Variants in LIPA observed in about 807,000 individuals in gnomAD.
LIPA encodes lysosomal acid lipase/cholesteryl ester hydrolase.
LIPA carries 26 observed loss-of-function variants against 40.6 expected under a neutral mutation model. The observed-to-expected ratio is 0.64, with a 90% CI of 0.47 to 0.89. The LOEUF (loss-of-function observed/expected upper bound fraction) is 0.89. LIPA is among the 40% of genes least tolerant of loss of function. LIPA has a pLI of 0.00. For missense variants in LIPA, 455 were observed against 479.6 expected, an observed-to-expected ratio of 0.95 and a Z score of 0.48; for synonymous variants, 188 against 168.4, an observed-to-expected ratio of 1.12 and a Z score of -0.90.
At chr10:89,215,100 T>C in intron 9 of LIPA, 39 bp from the exon 10 acceptor site, 1 of 1,464,386 alleles carries the variant, frequency 6.8e-7, no homozygotes, top group Non-Finnish European at 9.6e-7. Flanking sequence ...TCGTTGTTGT[T>C]GTTGTTTTAA....
chr10:89,325,097 A>T (rs1424755016), intron 1 of LIPA, among the ~76,000 whole-genome samples: 1 of 152,208 alleles, frequency 6.6e-6, no homozygotes, highest in African/African-American at 2.4e-5. Context: ...ACCCTAAAAA[A>T]AAGAATATGA....
upstream of LIPA, among the ~76,000 whole-genome samples, chr10:89,343,663 G>A (rs10159774): frequency 0.63 from 95,390 of 152,028 alleles, 32,581 homozygotes; most frequent in East Asian, 0.94. Flanking sequence ...AACAGCTACA[G>A]TGAAGAAGTA....
intron 2 of LIPA, among the ~76,000 whole-genome samples, chr10:89,398,637 T>C (rs1257858845): frequency 6.6e-6 from 1 of 152,252 alleles, no homozygotes; most frequent in Non-Finnish European, 1.5e-5. Flanking sequence ...AATATTGTCC[T>C]TTTGTGACTG....
chr10:89,379,651 G>A (rs1844147400), intron 2 of LIPA, among the ~76,000 whole-genome samples: 1 of 152,112 alleles, frequency 6.6e-6, no homozygotes, highest in African/African-American at 2.4e-5. Flanking sequence ...GACCTGTCTT[G>A]AGAAGAAATT....
At chr10:89,254,199 G>T (rs1372806767), upstream of LIPA, among the ~76,000 whole-genome samples, 1 of 152,250 alleles carries the variant, frequency 6.6e-6, no homozygotes, top group African/African-American at 2.4e-5. Flanking sequence ...CACTGACCTA[G>T]CCCAGGCTCT....
rs780557919 is a variant in LIPA, at chr10:89,247,612, C to T, written c.37G>A (p.Val13Ile). 5.0e-6 allele frequency: 8 copies of T among 1,613,044 alleles called. No homozygotes were observed. The East Asian group carries it at 6.7e-5, about 13-fold the overall frequency. Residue 13 changes from valine to isoleucine, a missense_variant, in exon 2 of 10, where the codon GTT becomes ATT. By Grantham distance (29) the Val-to-Ile change is conservative. Transcript: ENST00000336233. ...MRFLGLVVCL[V>I]LWTLHSEGSG... ...CCCTCAGAATGCAGGGTCCAGAGAA[C>T]CAAACAGACCACCAACCCCAAGAAC...
At chr10:89,351,639 G>A (rs1298746521) in intron 2 of LIPA, among the ~76,000 whole-genome samples, 4 of 152,192 alleles carry the variant, frequency 2.6e-5, no homozygotes, top group African/African-American at 9.7e-5. Flanking sequence ...GTGAATTCTG[G>A]ATTTCAAAGG....
At chr10:89,297,888 C>G (rs1328886039) in intron 1 of LIPA, among the ~76,000 whole-genome samples, 1 of 152,224 alleles carries the variant, frequency 6.6e-6, no homozygotes, top group Non-Finnish European at 1.5e-5. Flanking sequence ...TGAGTGGTGA[C>G]TGCACCCCCA....
chr10:89,403,519 G>A (rs1844476280), intron 2 of LIPA: 1 of 1,613,138 alleles, frequency 6.2e-7, no homozygotes, highest in Non-Finnish European at 8.5e-7. Context: ...TCATTAACAA[G>A]GGATAAAAGT....
intron 2 of LIPA, among the ~76,000 whole-genome samples, chr10:89,391,048 CATGGGAG>C (rs889146028): frequency 2.6e-5 from 4 of 152,178 alleles, no homozygotes; most frequent in Admixed American, 6.5e-5. Flanking sequence ...TGAGAGCTGA[CATGGGAG>C]ATGAGTCTGG....
chr10:89,386,577 T>C (rs552780844), intron 2 of LIPA, among the ~76,000 whole-genome samples: 5 of 152,298 alleles, frequency 3.3e-5, no homozygotes, highest in African/African-American at 7.2e-5. Context: ...TTAATCTAAA[T>C]GAGACATCTG....
At chr10:89,244,586 A>T (rs11203048) in intron 3 of LIPA, among the ~76,000 whole-genome samples, 19,745 of 152,116 alleles carry the variant, frequency 0.13, 1,600 homozygotes, top group African/African-American at 0.22. Flanking sequence ...CCGTCTCAAA[A>T]AAATAAATAA....
intron 3 of LIPA, among the ~76,000 whole-genome samples, chr10:89,229,974 A>G (rs914606): frequency 0.017 from 2,515 of 152,338 alleles, 39 homozygotes; most frequent in South Asian, 0.037. Context: ...TTAAAGCTGA[A>G]TAAAAGTTAA....
intron 2 of LIPA, among the ~76,000 whole-genome samples, chr10:89,386,875 T>A (rs1404599847): frequency 6.6e-6 from 1 of 152,110 alleles, no homozygotes; most frequent in Non-Finnish European, 1.5e-5. Context: ...TTCCCACCAC[T>A]CCAGGTACTG....
rs553457441 is a variant in LIPA at position 89,296,074 on chromosome 10, C to T, written c.-2+46537G>A. On this transcript the variant is annotated intron_variant, in intron 1 of 5. Coordinates refer to the LIPA transcript ENST00000282673. ...TTCACAAGATTTTAAAATTCCTATC[C>T]AATAGTTTTCTTGAATACTGAGTTC... is the stretch of plus-strand genomic sequence containing the variant. 2.6e-4 allele frequency among the ~76,000 whole-genome samples: 40 copies of T among 152,298 alleles called. No homozygotes were observed. In the South Asian group the frequency reaches 2.7e-3, roughly 10 times the overall value.
intron 1 of LIPA, chr10:89,328,160 C>T: frequency 8.0e-7 from 1 of 1,245,478 alleles, no homozygotes; most frequent in Admixed American, 1.7e-5. Context: ...AGGCACATTC[C>T]TGAATTGTCC....
chr10:89,412,207 G>C (rs1168985668), intron 2 of LIPA, among the ~76,000 whole-genome samples: 5 of 152,164 alleles, frequency 3.3e-5, no homozygotes, highest in Admixed American at 2.6e-4. Flanking sequence ...GTTTAGAGGG[G>C]GGATTGAGAG....
chr10:89,402,684 G>T, intron 2 of LIPA: 5 of 1,614,198 alleles, frequency 3.1e-6, no homozygotes, highest in Non-Finnish European at 3.4e-6. Flanking sequence ...CTATAGAATG[G>T]AGTGTCCAGA....
intron 1 of LIPA, among the ~76,000 whole-genome samples, chr10:89,331,105 T>C (rs1436975875): frequency 6.6e-6 from 1 of 152,174 alleles, no homozygotes; most frequent in African/African-American, 2.4e-5. Context: ...AAATGAGGAC[T>C]GTTTACATAG....
Sources: allele counts gnomAD v4.1 joint callset (sites outside exome capture counted in the v4.1 genomes callset), GRCh38; gene constraint gnomAD v4.1.1; transcripts MANE v1.5; gene names NCBI Gene and HGNC (gene_info 2026-07-23, HGNC 2026-07-21).